The following BPIFB3 variants were observed in gnomAD, a reference collection of about 807,000 sequenced individuals.
The protein encoded by BPIFB3 is BPI fold-containing family B member 3.
A neutral mutation model predicts 53.1 loss-of-function variants in BPIFB3; 49 were observed. The observed-to-expected ratio is 0.92, with a 90% CI of 0.73 to 1.17. The LOEUF (loss-of-function observed/expected upper bound fraction) is 1.17. Ranked by LOEUF, BPIFB3 falls within the 50% of genes most tolerant of loss-of-function variation. The probability of loss-of-function intolerance (pLI) is 0.00; values close to 1 mark genes in which losing one functional copy is unlikely to be tolerated. For missense variants in BPIFB3, 628 were observed against 592.5 expected (o/e 1.06, Z -0.62); for synonymous variants, 271 against 269.6 (o/e 1.01, Z -0.05).
At position 33,056,710 on chromosome 20, in the gene BPIFB3, C is replaced by T; in HGVS notation, c.281+12C>T. On this transcript the variant is annotated intron_variant, in intron 2 of 14. Transcript: ENST00000375494. ...GAGGAGCTCTCTGGGTGAGTCCCAC[C>T]TGCTGCATGCCCTACAGGAAGACTT... The T allele has an allele frequency of 6.4e-7, 1 of 1,564,228 alleles. No individual in the cohort carries two copies. Among genetic ancestry groups the T allele is most frequent in the Non-Finnish European group, 8.6e-7 (1 of 1,157,842 alleles).
intron 11 of BPIFB3, 121 bp from the exon 13 acceptor site, chr20:33,071,132 G>A (rs1980866519): frequency 9.5e-7 from 1 of 1,048,834 alleles, no homozygotes; most frequent in African/African-American, 1.6e-5. Flanking sequence ...CTGGATAGAG[G>A]CAGAGTGTTG....
At chr20:33,054,745 T>C (rs889526406), upstream of BPIFB3, among the ~76,000 whole-genome samples, 15 of 152,104 alleles carry the variant, frequency 9.9e-5, no homozygotes, top group Non-Finnish European at 8.8e-5. Context: ...TAGATGGATA[T>C]GTGATTGGGT....
At chr20:33,056,838 A>C in intron 2 of BPIFB3, 140 bp downstream of exon 3, 1 of 1,052,416 alleles carries the variant, frequency 9.5e-7, no homozygotes. Context: ...AAAAATGATG[A>C]CTCTACTGCA....
In BPIFB3 at chr20:33,068,989, G is replaced by A. The variant is rs1980778070; in HGVS notation, c.1149+16G>A. On this transcript the variant is annotated intron_variant, in intron 10 of 14. Transcript: ENST00000375494. ...GCTGAACTCCGTGAGTGGTCAAGGG[G>A]TGGCTGGGGGCCCGGCATTGGGGTT... 1 of 1,606,642 alleles carries A rather than the reference G, an allele frequency of 6.2e-7. No homozygotes were observed. Among genetic ancestry groups the A allele is most frequent in the Non-Finnish European group, 8.5e-7 (1 of 1,174,494 alleles).
chr20:33,062,469 CA>C (rs1980499518), intron 5 of BPIFB3, among the ~76,000 whole-genome samples: 1 of 152,126 alleles, frequency 6.6e-6, no homozygotes, highest in African/African-American at 2.4e-5. Context: ...CTAGGGTTGG[CA>C]AAACTGCCCT....
chr20:33,059,844 G>T, intron 3 of BPIFB3, 47 bp from the exon 5 acceptor site: 1 of 1,600,636 alleles, frequency 6.2e-7, no homozygotes, highest in South Asian at 1.1e-5. Flanking sequence ...CGGGGCCAAG[G>T]GTGGGAGCTG....
rs1980612826 is a variant in BPIFB3, at chr20:33,064,906, A to G, written c.924+61A>G. On this transcript the variant is annotated intron_variant, in intron 8 of 14. Transcript: ENST00000375494. ...CCTTGCCCTGCTGTGCCTTGGCATT[A>G]CTAGTGTTGACCTAGGCCCTGATCA... The G allele has an allele frequency of 4.5e-6, 7 of 1,541,578 alleles. No individual in the cohort carries two copies. The South Asian group carries it at 7.2e-5, about 16-fold the overall frequency.
At chr20:33,065,475 C>T (rs534279769) in intron 8 of BPIFB3, among the ~76,000 whole-genome samples, 7 of 151,448 alleles carry the variant, frequency 4.6e-5, no homozygotes, top group Non-Finnish European at 1.0e-4. Context: ...TACGCCACTG[C>T]ACTCCAGTGT....
chr20:33,064,277 G>A (rs182073981), intron 6 of BPIFB3, among the ~76,000 whole-genome samples, 180 bp from the exon 8 acceptor site: 2 of 152,294 alleles, frequency 1.3e-5, no homozygotes, highest in Admixed American at 6.5e-5. Flanking sequence ...CCTTGGCCTG[G>A]TGACTTCCCC....
chr20:33,070,218 T>C (rs948151544), intron 11 of BPIFB3, among the ~76,000 whole-genome samples: 9 of 152,116 alleles, frequency 5.9e-5, no homozygotes, highest in Non-Finnish European at 1.2e-4. Context: ...CTCTGAAAGA[T>C]AAACCTGCCG....
intron 7 of BPIFB3, 32 bp from the exon 9 acceptor site, chr20:33,064,634 A>G: frequency 6.2e-7 from 1 of 1,612,584 alleles, no homozygotes; most frequent in Non-Finnish European, 8.5e-7. Flanking sequence ...GCACCTTAAG[A>G]CCCTCCTCGG....
intron 4 of BPIFB3, 22 bp downstream of exon 5, chr20:33,060,053 T>G: frequency 6.2e-7 from 1 of 1,612,126 alleles, no homozygotes; most frequent in South Asian, 1.1e-5. Flanking sequence ...GGTTCCAGCC[T>G]GCAACCCTGA....
chr20:33,066,732 G>A, intron 8 of BPIFB3, 92 bp from the exon 10 acceptor site: 9 of 1,213,872 alleles, frequency 7.4e-6, no homozygotes, highest in South Asian at 7.3e-5. Context: ...CAGGGTAGGG[G>A]GAAGAGTGGT....
chr20:33,063,889 T>G (rs146229548), intron 6 of BPIFB3, among the ~76,000 whole-genome samples: 47 of 152,300 alleles, frequency 3.1e-4, no homozygotes, highest in African/African-American at 1.1e-3. Context: ...CCATCAGTTC[T>G]CTCTATGTTG....
chr20:33,058,252 G>T (rs576989286), intron 2 of BPIFB3, among the ~76,000 whole-genome samples: 1 of 152,340 alleles, frequency 6.6e-6, no homozygotes, highest in African/African-American at 2.4e-5. Context: ...GGGCTGATGG[G>T]TGTTCACTTC....
chr20:33,073,323 G>A (rs11697605), intron 14 of BPIFB3, among the ~76,000 whole-genome samples: 31,786 of 152,156 alleles, frequency 0.21, 3,627 homozygotes, highest in Admixed American at 0.28. Context: ...GGCTGAAGTA[G>A]GTCAGATTTC....
At chr20:33,059,282 G>T in intron 2 of BPIFB3, 96 bp from the exon 4 acceptor site, 1 of 805,294 alleles carries the variant, frequency 1.2e-6, no homozygotes. Context: ...CTGTGGGTTT[G>T]AGGTGAGATA....
At chr20:33,055,369 G>C, upstream of BPIFB3, 1 of 1,598,556 alleles carries the variant, frequency 6.3e-7, no homozygotes, top group Non-Finnish European at 8.5e-7. Context: ...ACAGAGAGGG[G>C]AAAGGCTTGA....
At chr20:33,070,044 C>T in intron 11 of BPIFB3, 89 bp downstream of exon 12, 1 of 1,449,438 alleles carries the variant, frequency 6.9e-7, no homozygotes, top group Non-Finnish European at 9.7e-7. Context: ...GTTTCTTGAG[C>T]ATCAGCGCAA....
Sources: gnomAD v4.1 joint callset for allele counts (sites outside exome capture counted in the v4.1 genomes callset) on GRCh38, gnomAD v4.1.1 for gene constraint, MANE v1.5 for transcripts, NCBI Gene and HGNC (gene_info 2026-07-23, HGNC 2026-07-21) for gene names.